ADAMTSL1: variants seen among roughly 807,000 people sequenced by gnomAD.
The protein encoded by ADAMTSL1 is ADAMTS-like protein 1.
ADAMTSL1 carries 126 observed loss-of-function variants against 201.8 expected under a neutral mutation model. That is an observed-to-expected ratio of 0.62 (90% CI 0.54 to 0.72). ADAMTSL1 has a LOEUF of 0.72. Ranked by LOEUF, ADAMTSL1 falls within the 30% of genes least tolerant of loss-of-function variation. The pLI, the probability that ADAMTSL1 is intolerant of heterozygous loss-of-function variation, is 0.00. For synonymous variants in ADAMTSL1, 1,121 were observed against 903.4 expected (o/e 1.24, Z -4.32); for missense variants, 2,679 against 2,277.8 (o/e 1.18, Z -3.59).
At chr9:18,430,829 G>C (rs867816994) in intron 2 of ADAMTSL1, among the ~76,000 whole-genome samples, 1 of 152,204 alleles carries the variant, frequency 6.6e-6, no homozygotes, top group South Asian at 2.1e-4. Context: ...GAGGCCCCTT[G>C]TACCACTAAC....
intron 1 of ADAMTSL1, among the ~76,000 whole-genome samples, chr9:17,951,579 C>T (rs1254386053): frequency 6.6e-6 from 1 of 151,384 alleles, no homozygotes; most frequent in Non-Finnish European, 1.5e-5. Context: ...AGGTTTCTTG[C>T]ATATTCTGTT....
At chr9:18,319,445 T>G (rs1168317543) in intron 2 of ADAMTSL1, among the ~76,000 whole-genome samples, 1 of 152,162 alleles carries the variant, frequency 6.6e-6, no homozygotes, top group Non-Finnish European at 1.5e-5. Flanking sequence ...CTATGAACTA[T>G]AGTAATAATA....
At position 18,689,001 on chromosome 9, in the gene ADAMTSL1, G is replaced by C. The variant is rs143808732; in HGVS notation, c.1574+4201G>C. Among the ~76,000 whole-genome samples, 871 of 152,046 alleles carry C rather than the reference G, an allele frequency of 5.7e-3. 12 individuals are homozygous for C. Among genetic ancestry groups the C allele is most frequent in the African/African-American group, 0.02 (809 of 41,466 alleles). On this transcript the variant is annotated intron_variant, in intron 13 of 28. Transcript: ENST00000380548. Reference sequence around the variant, plus strand: ...CCTCCAGCTGTTGAGAGTGTTGTTAGATTTAGGATACATCATTTAAATGCC... The same window carrying C: ...CCTCCAGCTGTTGAGAGTGTTGTTACATTTAGGATACATCATTTAAATGCC...
chr9:18,021,056 A>G (rs1329723331), intron 1 of ADAMTSL1, among the ~76,000 whole-genome samples: 1 of 152,046 alleles, frequency 6.6e-6, no homozygotes, highest in Non-Finnish European at 1.5e-5. Flanking sequence ...AAATGGAAAT[A>G]CTTGGACCTC....
chr9:18,117,332 T>A (rs1474403118), intron 1 of ADAMTSL1, among the ~76,000 whole-genome samples: 1 of 152,106 alleles, frequency 6.6e-6, no homozygotes. Flanking sequence ...CATCTGGCCC[T>A]CGTTACTTTC....
At position 18,744,430 on chromosome 9, in the gene ADAMTSL1, C is replaced by A. The variant is rs149699160; in HGVS notation, c.2007-8868C>A. On this transcript the variant is annotated intron_variant, in intron 15 of 28. Transcript: ENST00000380548. The stretch of plus-strand genomic sequence containing the variant: ...TGTCCTTCTCCTCAGTCTCCAAAAC[C>A]TATGGCTACTTTCTCTGACTGACTT... 8.7e-4 allele frequency among the ~76,000 whole-genome samples: 132 copies of A among 152,350 alleles called. 2 individuals carry two copies. The highest frequency in any genetic ancestry group is 3.1e-3 in the African/African-American group (130 of 41,582).
At chr9:18,535,988 C>T (rs1361720446) in intron 3 of ADAMTSL1, among the ~76,000 whole-genome samples, 1 of 152,064 alleles carries the variant, frequency 6.6e-6, no homozygotes, top group African/African-American at 2.4e-5. Context: ...ACTTAAAATC[C>T]ATAGCACTCC....
chr9:18,209,437 T>C (rs1287513059), intron 2 of ADAMTSL1, among the ~76,000 whole-genome samples: 3 of 152,144 alleles, frequency 2.0e-5, no homozygotes, highest in Admixed American at 6.5e-5. Flanking sequence ...TGAACACTCA[T>C]TGGAGACCTA....
chr9:18,237,408 T>C (rs563687177), intron 2 of ADAMTSL1, among the ~76,000 whole-genome samples: 15 of 152,358 alleles, frequency 9.8e-5, no homozygotes, highest in Non-Finnish European at 1.8e-4. Flanking sequence ...ATATTTTTTG[T>C]TCTTATTTTC....
chr9:18,902,114 T>G (rs912229391), intron 26 of ADAMTSL1, among the ~76,000 whole-genome samples: 5 of 152,170 alleles, frequency 3.3e-5, no homozygotes, highest in African/African-American at 1.2e-4. Context: ...CCAAAGTATA[T>G]GAATCAAACA....
intron 2 of ADAMTSL1, among the ~76,000 whole-genome samples, chr9:18,410,253 G>T (rs1418308412): frequency 6.6e-6 from 1 of 151,614 alleles, no homozygotes; most frequent in Non-Finnish European, 1.5e-5. Flanking sequence ...GGATGTGCAG[G>T]GTTGTTACAT....
At chr9:18,253,172 C>T (rs570658153) in intron 2 of ADAMTSL1, among the ~76,000 whole-genome samples, 1 of 152,126 alleles carries the variant, frequency 6.6e-6, no homozygotes, top group African/African-American at 2.4e-5. Context: ...ATTTCTAAAC[C>T]AAATAAAAAG....
intron 23 of ADAMTSL1, among the ~76,000 whole-genome samples, chr9:18,843,051 T>C (rs549690736): frequency 2.0e-5 from 3 of 151,980 alleles, no homozygotes; most frequent in Non-Finnish European, 4.4e-5. Flanking sequence ...GTTAATATTG[T>C]TATGTGTGAA....
At chr9:18,436,410 C>G (rs529873075) in intron 2 of ADAMTSL1, among the ~76,000 whole-genome samples, 182 of 152,306 alleles carry the variant, frequency 1.2e-3, no homozygotes, top group African/African-American at 3.8e-3. Flanking sequence ...TCAGCATCCT[C>G]TTTCTTGCTC....
intron 2 of ADAMTSL1, among the ~76,000 whole-genome samples, chr9:18,377,717 C>A (rs1317800460): frequency 6.6e-6 from 1 of 152,058 alleles, no homozygotes; most frequent in Non-Finnish European, 1.5e-5. Flanking sequence ...CAGTCGCGTG[C>A]CACCACGCCC....
chr9:18,403,346 G>A (rs1818061111), intron 2 of ADAMTSL1, among the ~76,000 whole-genome samples: 1 of 151,866 alleles, frequency 6.6e-6, no homozygotes, highest in South Asian at 2.1e-4. Flanking sequence ...ACCATGCCCA[G>A]CTAATTTTTG....
chr9:18,194,032 G>C (rs1331205913), intron 2 of ADAMTSL1, among the ~76,000 whole-genome samples: 1 of 152,054 alleles, frequency 6.6e-6, no homozygotes, highest in Non-Finnish European at 1.5e-5. Flanking sequence ...TATTGAATTT[G>C]GCGGGGAGAA....
At chr9:18,762,231 A>G (rs1401703797) in intron 16 of ADAMTSL1, among the ~76,000 whole-genome samples, 2 of 152,158 alleles carry the variant, frequency 1.3e-5, no homozygotes, top group African/African-American at 4.8e-5. Context: ...GGGCACATAA[A>G]CAATGAGCCC....
chr9:18,889,888 G>C, intron 25 of ADAMTSL1, 140 bp downstream of exon 25: 2 of 820,880 alleles, frequency 2.4e-6, no homozygotes, highest in Non-Finnish European at 3.4e-6. Flanking sequence ...CTAGGCACAG[G>C]CTTATCAGGC....
Sources: allele counts gnomAD v4.1 joint callset (sites outside exome capture counted in the v4.1 genomes callset), GRCh38; gene constraint gnomAD v4.1.1; transcripts MANE v1.5; gene names NCBI Gene and HGNC (gene_info 2026-07-23, HGNC 2026-07-21).